ZSCAN5A: variants seen among roughly 807,000 people sequenced by gnomAD.
ZSCAN5A encodes the protein zinc finger and SCAN domain containing 5A.
ZSCAN5A carries 12 observed loss-of-function variants against 23.7 expected under a neutral mutation model. That is an observed-to-expected ratio of 0.51 (90% confidence interval 0.32 to 0.82). The LOEUF (loss-of-function observed/expected upper bound fraction) is 0.82. Ranked by LOEUF, ZSCAN5A falls within the 40% of genes least tolerant of loss-of-function variation. The pLI is 0.03. For synonymous variants in ZSCAN5A, 257 were observed against 239.9 expected, an observed-to-expected ratio of 1.07 and a Z score of -0.66; for missense variants, 597 against 617.9, an observed-to-expected ratio of 0.97 and a Z score of 0.36.
chr19:56,274,149 C>T (rs1452316080), intron 2 of ZSCAN5A, among the ~76,000 whole-genome samples: 3 of 152,036 alleles, frequency 2.0e-5, no homozygotes, highest in Admixed American at 2.0e-4. Flanking sequence ...CTGCCCTTAA[C>T]TGAGATGAGA....
At position 56,296,760 on chromosome 19, in the gene ZSCAN5A, ATGGTGGCTCATGCC is replaced by A. The variant is rs570992999; in HGVS notation, c.-128+16509_-128+16522del. On this transcript the variant is annotated intron_variant, in intron 2 of 5. Coordinates refer to ENST00000683990, the MANE Select transcript of ZSCAN5A (RefSeq NM_001322064.3). Reference sequence around the variant, plus strand: ...GGAAACTTAAGTTTTTTGGCTGGGCATGGTGGCTCATGCCTGTAATCCCAGCACTTTGGGAGGCC... The same window carrying A: ...GGAAACTTAAGTTTTTTGGCTGGGCATGTAATCCCAGCACTTTGGGAGGCC... 1.7e-4 allele frequency among the ~76,000 whole-genome samples: 26 copies of A among 152,140 alleles called. No individual in the cohort carries two copies. In the South Asian group the frequency reaches 5.4e-3, roughly 31 times the overall value.
intron 2 of ZSCAN5A, among the ~76,000 whole-genome samples, chr19:56,322,919 G>A (rs1282541074): frequency 7.8e-6 from 1 of 128,908 alleles, no homozygotes; most frequent in Non-Finnish European, 1.6e-5. Flanking sequence ...TTTTGAGACA[G>A]AGTCTCGCTC....
chr19:56,347,285 G>A (rs1255364596), intron 2 of ZSCAN5A: 1 of 152,234 alleles, frequency 6.6e-6, no homozygotes, highest in African/African-American at 2.4e-5. Flanking sequence ...ACGGTTCCAG[G>A]TGCAGGGGTT....
intron 2 of ZSCAN5A, among the ~76,000 whole-genome samples, chr19:56,252,800 G>A (rs1345494718): frequency 6.6e-6 from 1 of 152,252 alleles, no homozygotes; most frequent in Non-Finnish European, 1.5e-5. Context: ...GCAGCCTTCT[G>A]GGGTCCAGGG....
At chr19:56,303,947 C>G (rs1217941339) in intron 2 of ZSCAN5A, among the ~76,000 whole-genome samples, 1 of 152,112 alleles carries the variant, frequency 6.6e-6, no homozygotes. Context: ...CTTCGAGGAA[C>G]CAAAGGAACA....
At chr19:56,337,251 A>G (rs1384842022) in intron 2 of ZSCAN5A, among the ~76,000 whole-genome samples, 1 of 152,184 alleles carries the variant, frequency 6.6e-6, no homozygotes, top group Non-Finnish European at 1.5e-5. Context: ...CTTCCCGGCC[A>G]CTTTATTTAC....
intron 2 of ZSCAN5A, among the ~76,000 whole-genome samples, chr19:56,361,253 T>C (rs1479315314): frequency 6.6e-6 from 1 of 152,186 alleles, no homozygotes; most frequent in African/African-American, 2.4e-5. Flanking sequence ...TTACACTGTT[T>C]GTGGGAATGT....
chr19:56,341,246 G>A (rs1293409394), intron 2 of ZSCAN5A: 1 of 152,194 alleles, frequency 6.6e-6, no homozygotes, highest in South Asian at 2.1e-4. Flanking sequence ...AAGCCTCCAA[G>A]AAATATGAGA....
intron 2 of ZSCAN5A, among the ~76,000 whole-genome samples, chr19:56,275,724 GT>G (rs997211584): frequency 8.5e-5 from 13 of 152,356 alleles, no homozygotes; most frequent in East Asian, 3.9e-4. Flanking sequence ...TGAGAACAGA[GT>G]TTGGGGTGTC....
chr19:56,295,590 G>A (rs992071894), intron 2 of ZSCAN5A, among the ~76,000 whole-genome samples: 4 of 152,010 alleles, frequency 2.6e-5, no homozygotes, highest in East Asian at 1.9e-4. Flanking sequence ...GCAAGACTCC[G>A]TCTAAAAAAC....
intron 2 of ZSCAN5A, among the ~76,000 whole-genome samples, chr19:56,305,149 A>C (rs558215496): frequency 1.2e-4 from 19 of 152,298 alleles, no homozygotes; most frequent in Admixed American, 5.9e-4. Context: ...ACCATTAGTG[A>C]CATTCAGTAC....
intron 2 of ZSCAN5A, among the ~76,000 whole-genome samples, chr19:56,286,953 G>A (rs1449161331): frequency 5.3e-5 from 8 of 152,238 alleles, no homozygotes; most frequent in Admixed American, 3.9e-4. Context: ...TTTCTTCCCG[G>A]TAAACCAGGA....
chr19:56,294,980 G>C (rs933113590), intron 2 of ZSCAN5A: 2 of 152,240 alleles, frequency 1.3e-5, no homozygotes, highest in African/African-American at 2.4e-5. Context: ...GCGGGAGAGG[G>C]GGGTGAGCCC....
rs1007803747 is a variant in ZSCAN5A at position 56,352,128 on chromosome 19, ATCTCGCTCTGTC to A, written c.-358+11095_-358+11106del. Among the ~76,000 whole-genome samples the A allele has an allele frequency of 1.0e-3, 155 of 151,972 alleles. No homozygotes were observed. Among genetic ancestry groups the A allele is most frequent in the African/African-American group, 3.4e-3 (139 of 41,456 alleles). On this transcript the variant is annotated intron_variant, in intron 2 of 6. Transcript: ENST00000587340. The surrounding 1 kb of genome is among the most constrained non-coding windows in gnomAD (Gnocchi z 4.2). ...TTTGTTTCTTTGTTTTTGAGACGGAATCTCGCTCTGTCACCCAGGCTGGAGTGCAGTGGCACG... is the reference window on the plus strand; with the variant it reads ...TTTGTTTCTTTGTTTTTGAGACGGAAACCCAGGCTGGAGTGCAGTGGCACG...
At chr19:56,274,005 G>A (rs2038056299) in intron 2 of ZSCAN5A, among the ~76,000 whole-genome samples, 1 of 152,158 alleles carries the variant, frequency 6.6e-6, no homozygotes, top group African/African-American at 2.4e-5. Flanking sequence ...ATGGGGATAA[G>A]TAGAAGGTTA....
rs4627479 is a variant in ZSCAN5A, at chr19:56,239,484, T to C, written c.-127-14311A>G. On this transcript the variant is annotated intron_variant, in intron 2 of 5. Coordinates refer to ENST00000683990, the MANE Select transcript of ZSCAN5A (RefSeq NM_001322064.3). ...GGGGGCTGAGAACCAGGGAACCCTGTAGGACCCTCAGTGTATCTATAAACC... is the reference window on the plus strand; with the variant it reads ...GGGGGCTGAGAACCAGGGAACCCTGCAGGACCCTCAGTGTATCTATAAACC... 8.9e-3 allele frequency among the ~76,000 whole-genome samples: 1,360 copies of C among 152,268 alleles called. 15 individuals are homozygous for C. The highest frequency in any genetic ancestry group is 0.03 in the African/African-American group (1,266 of 41,558).
chr19:56,357,494 TC>T (rs2147465665), intron 2 of ZSCAN5A, among the ~76,000 whole-genome samples: 1 of 147,910 alleles, frequency 6.8e-6, no homozygotes, highest in African/African-American at 2.6e-5. Flanking sequence ...ACATTCCAAT[TC>T]CTCTTCCCCA....
chr19:56,321,315 A>G, intron 2 of ZSCAN5A: 1 of 657,378 alleles, frequency 1.5e-6, no homozygotes, highest in Non-Finnish European at 2.8e-6. Context: ...ATCACTGGTC[A>G]AGAAGTCCCA....
chr19:56,344,361 A>G (rs1456503985), intron 2 of ZSCAN5A, among the ~76,000 whole-genome samples: 1 of 152,242 alleles, frequency 6.6e-6, no homozygotes, highest in Non-Finnish European at 1.5e-5. Context: ...TTTATTAAAG[A>G]TTACACAAGC....
Sources: allele counts gnomAD v4.1 joint callset (sites outside exome capture counted in the v4.1 genomes callset), GRCh38; gene constraint gnomAD v4.1.1; non-coding constraint Gnocchi (gnomAD v3.1); transcripts MANE v1.5; gene names NCBI Gene and HGNC (gene_info 2026-07-23, HGNC 2026-07-21).